FERMT2: variants seen among roughly 807,000 people sequenced by gnomAD.
FERMT2 encodes the protein FERM domain containing kindlin 2, also known as fermitin family homolog 2.
A neutral mutation model predicts 82.7 loss-of-function variants in FERMT2; 15 were observed. The observed-to-expected ratio is 0.18, with a 90% CI of 0.12 to 0.28. The LOEUF is 0.28. Among genes scored for constraint, FERMT2 ranks in the 10% least tolerant of loss-of-function variants. The pLI, the probability that FERMT2 is intolerant of heterozygous loss-of-function variation, is 1.00. For missense variants in FERMT2, 645 were observed against 809.4 expected, an observed-to-expected ratio of 0.80 and a Z score of 2.46; for synonymous variants, 274 against 271.5, an observed-to-expected ratio of 1.01 and a Z score of -0.09.
intron 12 of FERMT2, chr14:52,861,140 C>G (rs1253858902): frequency 3.1e-6 from 3 of 970,742 alleles, no homozygotes; most frequent in Non-Finnish European, 4.6e-6. Flanking sequence ...ACCTGCAAAC[C>G]AAAATTCCAG....
At chr14:52,940,894 T>G (rs1890059489) in intron 2 of FERMT2, among the ~76,000 whole-genome samples, 1 of 152,184 alleles carries the variant, frequency 6.6e-6, no homozygotes, top group African/African-American at 2.4e-5. Context: ...GACAGGAAAG[T>G]AAAGTGACGT....
At chr14:52,942,384 G>C (rs1890132868) in intron 2 of FERMT2, among the ~76,000 whole-genome samples, 1 of 149,204 alleles carries the variant, frequency 6.7e-6, no homozygotes, top group Admixed American at 6.7e-5. Flanking sequence ...CTCACTGCAA[G>C]CTCCCCCTTC....
intron 2 of FERMT2, among the ~76,000 whole-genome samples, chr14:52,926,993 G>A (rs933648115): frequency 2.6e-5 from 4 of 152,014 alleles, no homozygotes; most frequent in African/African-American, 7.3e-5. Flanking sequence ...ACCGTATCAC[G>A]TGCACATAAC....
chr14:52,928,905 CT>C (rs1889433508), intron 2 of FERMT2, among the ~76,000 whole-genome samples: 1 of 152,200 alleles, frequency 6.6e-6, no homozygotes, highest in Non-Finnish European at 1.5e-5. Flanking sequence ...CTCCTACGCT[CT>C]GCTGCCCTTC....
chr14:52,944,435 GCACA>G (rs1327973716), intron 2 of FERMT2, among the ~76,000 whole-genome samples: 3 of 152,204 alleles, frequency 2.0e-5, no homozygotes, highest in Non-Finnish European at 4.4e-5. Context: ...CACCAAATAA[GCACA>G]CACCTTCCCC....
Position 52,919,242 on chromosome 14 carries a change from T to A in FERMT2, c.272A>T (p.Gln91Leu). 6.2e-7 allele frequency: 1 copy of A among 1,614,128 alleles called. No individual in the cohort carries two copies. Among genetic ancestry groups the A allele is most frequent in the Non-Finnish European group, 8.5e-7 (1 of 1,179,976 alleles). The change falls in exon 3 of 15, where the codon CAG becomes CTG. Residue 91 changes from glutamine to leucine, a missense_variant. Transcript: ENST00000341590. ...GAGCAGTTTGTGCTGAGGGGTGAAC[T>A]GAAGCTTAGCATCTGCCTGAATACC... ...KYGIQADAKL[Q>L]FTPQHKLLRL... is the part of the protein sequence containing the mutation.
rs1887258720 is a variant in FERMT2, at chr14:52,896,454, TAC to T, written c.392-3029_392-3028del. Reference sequence around the variant, plus strand: ...TGAAACTAGGATCCTACCATGCTGCTACAGAGTTGATGAGGCACAATTTAAGG... The same window carrying T: ...TGAAACTAGGATCCTACCATGCTGCTAGAGTTGATGAGGCACAATTTAAGG... On this transcript the variant is annotated intron_variant, in intron 3 of 14. Coordinates refer to ENST00000341590, the MANE Select transcript of FERMT2 (RefSeq NM_006832.3). 3.3e-5 allele frequency among the ~76,000 whole-genome samples: 5 copies of T among 152,242 alleles called. No individual in the cohort carries two copies. The South Asian group carries it at 1.0e-3, about 32-fold the overall frequency.
At chr14:52,902,005 C>T (rs991255278) in intron 3 of FERMT2, among the ~76,000 whole-genome samples, 3 of 152,052 alleles carry the variant, frequency 2.0e-5, no homozygotes, top group African/African-American at 7.2e-5. Flanking sequence ...GAAACAGACA[C>T]AATGCAGACT....
At chr14:52,868,024 A>C (rs958202085) in intron 10 of FERMT2, among the ~76,000 whole-genome samples, 4 of 151,984 alleles carry the variant, frequency 2.6e-5, no homozygotes, top group Admixed American at 6.6e-5. Flanking sequence ...TTTTTGTGTT[A>C]ATGTTCTTTC....
intron 4 of FERMT2, among the ~76,000 whole-genome samples, chr14:52,890,184 G>A (rs1196223982): frequency 1.8e-4 from 27 of 150,854 alleles, no homozygotes; most frequent in Non-Finnish European, 3.5e-4. Flanking sequence ...TGTAATCCCA[G>A]CACTTTGGGA....
At chr14:52,929,652 T>C (rs914672417) in intron 2 of FERMT2, among the ~76,000 whole-genome samples, 5 of 152,226 alleles carry the variant, frequency 3.3e-5, no homozygotes, top group Non-Finnish European at 5.9e-5. Context: ...ACTCCTGGAA[T>C]GTCTAACTCT....
rs10135563 is a variant in FERMT2, at chr14:52,893,117, C to T, written c.526+176G>A. 1.7e-3 allele frequency among the ~76,000 whole-genome samples: 264 copies of T among 152,318 alleles called. 1 individual carries two copies. Among genetic ancestry groups the T allele is most frequent in the African/African-American group, 6.0e-3 (250 of 41,582 alleles). On this transcript the variant is annotated intron_variant, in intron 4 of 14. Transcript: ENST00000341590. Reference sequence around the variant, plus strand: ...GTTCAAGCGATTCTTCTGCCTCAGCCTCCCAAGTAGCTGGGACTACAGGTG... The same window carrying T: ...GTTCAAGCGATTCTTCTGCCTCAGCTTCCCAAGTAGCTGGGACTACAGGTG...
chr14:52,935,119 GTTAT>G (rs1160333010), intron 2 of FERMT2, among the ~76,000 whole-genome samples: 1 of 152,156 alleles, frequency 6.6e-6, no homozygotes, highest in Non-Finnish European at 1.5e-5. Context: ...GACAATTAGT[GTTAT>G]TTAATAAGTA....
chr14:52,908,218 G>C (rs1888125473), intron 3 of FERMT2, among the ~76,000 whole-genome samples: 1 of 152,164 alleles, frequency 6.6e-6, no homozygotes, highest in Non-Finnish European at 1.5e-5. Context: ...GAACTCTCAA[G>C]TACTGCCCGG....
At chr14:52,942,582 G>A (rs892363487) in intron 2 of FERMT2, among the ~76,000 whole-genome samples, 3 of 151,970 alleles carry the variant, frequency 2.0e-5, no homozygotes, top group African/African-American at 7.2e-5. Flanking sequence ...GATTACAGGC[G>A]TGAGCCACCC....
At chr14:52,926,416 AC>A (rs1889277426) in intron 2 of FERMT2, among the ~76,000 whole-genome samples, 1 of 6,850 alleles carries the variant, frequency 1.5e-4, no homozygotes, top group Non-Finnish European at 4.8e-4. Context: ...AGTGCAACAC[AC>A]ACACACACAC....
rs1257570747 is a variant in FERMT2, at chr14:52,858,079, C to T, written c.*298G>A. ...TTTAAAATAGATGGCTTGTTTCTTA[C>T]AGTTTGGCTAGCTTAAATCAGTAAA... On this transcript the variant is annotated 3_prime_UTR_variant, in exon 15 of 15. Coordinates refer to ENST00000341590, the MANE Select transcript of FERMT2 (RefSeq NM_006832.3). 7 of 318,436 alleles carry T rather than the reference C, an allele frequency of 2.2e-5. No homozygotes were observed. The highest frequency in any genetic ancestry group is 3.5e-5 in the Non-Finnish European group (6 of 169,944). 19.7% of individuals were successfully genotyped at this position (318,436 alleles called of 1,614,324 possible). A position where few individuals can be genotyped will look rare whatever the true frequency, so the allele number is the denominator to read the frequency against.
chr14:52,901,329 G>T (rs948751358), intron 3 of FERMT2, among the ~76,000 whole-genome samples: 4 of 145,988 alleles, frequency 2.7e-5, no homozygotes, highest in Non-Finnish European at 6.0e-5. Flanking sequence ...GGAACAGCCA[G>T]CCAATGATTA....
chr14:52,936,620 C>T lies in FERMT2; in HGVS notation c.157+13792G>A, dbSNP rs762924351. ...TTCAACTGGCCACACTCCCTTGCTC[C>T]ACTTCCCATGCTGGGAATTCTCATC... is the stretch of plus-strand genomic sequence containing the variant. On this transcript the variant is annotated intron_variant, in intron 2 of 14. Coordinates refer to ENST00000341590, the MANE Select transcript of FERMT2 (RefSeq NM_006832.3). Among the ~76,000 whole-genome samples the T allele has an allele frequency of 4.1e-4, 62 of 152,164 alleles. 1 individual carries two copies. Among genetic ancestry groups the T allele is most frequent in the Admixed American group, 1.3e-4 (2 of 15,286 alleles).
Sources: gnomAD v4.1 joint callset for allele counts (sites outside exome capture counted in the v4.1 genomes callset) on GRCh38, gnomAD v4.1.1 for gene constraint, MANE v1.5 for transcripts, NCBI Gene and HGNC (gene_info 2026-07-23, HGNC 2026-07-21) for gene names.